The following PDE8A variants were observed in gnomAD, a reference collection of about 807,000 sequenced individuals.
PDE8A encodes the protein phosphodiesterase 8A.
PDE8A carries 59 observed loss-of-function variants against 105.0 expected under a neutral mutation model. The ratio of observed to expected loss-of-function variants is 0.56; its 90% confidence interval spans 0.46 to 0.70. The LOEUF (loss-of-function observed/expected upper bound fraction) is 0.70. Ranked by LOEUF, PDE8A falls within the 30% of genes least tolerant of loss-of-function variation. The probability of loss-of-function intolerance (pLI) is 0.00; values close to 1 mark genes in which losing one functional copy is unlikely to be tolerated. For synonymous variants in PDE8A, 355 were observed against 371.9 expected (o/e 0.95, Z 0.52); for missense variants, 1,014 against 1,045.9 (o/e 0.97, Z 0.42).
At chr15:85,026,113 G>A (rs569536485) in intron 1 of PDE8A, among the ~76,000 whole-genome samples, 1 of 152,166 alleles carries the variant, frequency 6.6e-6, no homozygotes, top group Non-Finnish European at 1.5e-5. Context: ...CATCAGTTTA[G>A]CAGATTATGC....
intron 1 of PDE8A, among the ~76,000 whole-genome samples, chr15:84,995,655 GT>G (rs1555463588): frequency 6.6e-5 from 10 of 152,066 alleles, no homozygotes; most frequent in Non-Finnish European, 1.5e-4. Context: ...TTCCCTAAGC[GT>G]TATGTTTTTG....
At chr15:85,123,018 G>A (rs778231950) in intron 18 of PDE8A, 43 bp from the exon 19 acceptor site, 13 of 1,606,426 alleles carry the variant, frequency 8.1e-6, no homozygotes, top group Non-Finnish European at 1.1e-5. Context: ...GTCTGGTCTG[G>A]ATCAGTAATT....
At chr15:85,073,151 C>G (rs1407954128) in intron 3 of PDE8A, among the ~76,000 whole-genome samples, 1 of 152,148 alleles carries the variant, frequency 6.6e-6, no homozygotes, top group African/African-American at 2.4e-5. Context: ...TCCCTGAGTA[C>G]TTAACACTGC....
chr15:85,073,006 T>G (rs1343751769), intron 3 of PDE8A, among the ~76,000 whole-genome samples: 1 of 152,078 alleles, frequency 6.6e-6, no homozygotes, highest in African/African-American at 2.4e-5. Flanking sequence ...CCCAGCTACT[T>G]GAGAGGCCGA....
At chr15:85,128,743 A>G (rs1420033663) in intron 20 of PDE8A, among the ~76,000 whole-genome samples, 1 of 152,250 alleles carries the variant, frequency 6.6e-6, no homozygotes, top group African/African-American at 2.4e-5. Flanking sequence ...ACTTCCCCAA[A>G]GAAGCTATTA....
At chr15:85,026,394 C>T (rs2080517578) in intron 1 of PDE8A, among the ~76,000 whole-genome samples, 1 of 152,106 alleles carries the variant, frequency 6.6e-6, no homozygotes, top group Admixed American at 6.5e-5. Context: ...TGTAGACTCT[C>T]CATGTGGTCT....
At chr15:85,066,046 G>T (rs2081220085) in intron 2 of PDE8A, among the ~76,000 whole-genome samples, 1 of 151,868 alleles carries the variant, frequency 6.6e-6, no homozygotes, top group Admixed American at 6.6e-5. Context: ...TTAACTTGGA[G>T]GAATTACATA....
chr15:85,116,836 A>T (rs1004718543), intron 16 of PDE8A, among the ~76,000 whole-genome samples: 2 of 152,164 alleles, frequency 1.3e-5, no homozygotes, highest in Non-Finnish European at 2.9e-5. Flanking sequence ...TAACCTTCTG[A>T]TACGTTCTAC....
At chr15:85,097,586 C>T (rs1347890342) in intron 8 of PDE8A, among the ~76,000 whole-genome samples, 4 of 152,170 alleles carry the variant, frequency 2.6e-5, no homozygotes, top group Non-Finnish European at 5.9e-5. Flanking sequence ...TTCTTCCCCT[C>T]CCAAACACAG....
chr15:85,113,539 G>A (rs2082050202), intron 13 of PDE8A, 92 bp downstream of exon 13: 1 of 1,075,436 alleles, frequency 9.3e-7, no homozygotes, highest in African/African-American at 1.5e-5. Context: ...GGGACCCGCA[G>A]TAATGAGCAT....
intron 11 of PDE8A, 95 bp from the exon 12 acceptor site, chr15:85,108,958 A>C (rs1433954341): frequency 1.3e-6 from 1 of 797,374 alleles, no homozygotes; most frequent in African/African-American, 1.7e-5. Flanking sequence ...AAAACATTTA[A>C]AGTTGAGAGT....
intron 5 of PDE8A, among the ~76,000 whole-genome samples, chr15:85,082,652 G>C (rs898353445): frequency 3.3e-5 from 5 of 150,464 alleles, no homozygotes; most frequent in African/African-American, 1.3e-4. Context: ...GGGGCTTATA[G>C]ATAGTGATAT....
intron 1 of PDE8A, among the ~76,000 whole-genome samples, chr15:85,040,370 T>TAAAAA (rs35955528): frequency 2.0e-4 from 21 of 103,588 alleles, no homozygotes; most frequent in Non-Finnish European, 2.6e-4. Flanking sequence ...ACCTCTTCTC[T>TAAAAA]AAAAAAAAAA....
In PDE8A at chr15:85,055,022, C is replaced by T. The variant is rs562233608; in HGVS notation, c.187-9348C>T. Among the ~76,000 whole-genome samples, 15 of 152,178 alleles carry T rather than the reference C, an allele frequency of 9.9e-5. No individual in the cohort carries two copies. The East Asian group carries it at 1.2e-3, about 12-fold the overall frequency. On this transcript the variant is annotated intron_variant, in intron 1 of 21. Coordinates refer to ENST00000394553, the MANE Select transcript of PDE8A (RefSeq NM_002605.3). ...TTCTGGTATGTTGTGTCTTTGTTCT[C>T]GTTGGTTTCAAAGAACCTCTTTATT...
At chr15:85,024,560 T>C (rs1361604636) in intron 1 of PDE8A, among the ~76,000 whole-genome samples, 1 of 151,894 alleles carries the variant, frequency 6.6e-6, no homozygotes, top group Non-Finnish European at 1.5e-5. Context: ...TTTTTTTTTC[T>C]TTTCACCCTC....
intron 5 of PDE8A, among the ~76,000 whole-genome samples, chr15:85,079,122 C>G (rs778865825): frequency 9.9e-5 from 15 of 152,152 alleles, no homozygotes; most frequent in Non-Finnish European, 1.2e-4. Flanking sequence ...TAGATGTACC[C>G]ACACTTATGC....
intron 1 of PDE8A, among the ~76,000 whole-genome samples, chr15:85,041,898 T>C (rs1397605749): frequency 6.6e-6 from 1 of 152,204 alleles, no homozygotes; most frequent in Non-Finnish European, 1.5e-5. Context: ...TTGATGTTGT[T>C]AGTTCCTTTA....
intron 1 of PDE8A, among the ~76,000 whole-genome samples, chr15:84,983,396 A>G (rs774104134): frequency 4.0e-5 from 6 of 151,886 alleles, no homozygotes; most frequent in Non-Finnish European, 7.4e-5. Flanking sequence ...GAACTGCTGA[A>G]CCTCCGAAGT....
intron 1 of PDE8A, among the ~76,000 whole-genome samples, chr15:85,039,600 C>T (rs553148673): frequency 6.0e-4 from 92 of 152,182 alleles, no homozygotes; most frequent in African/African-American, 2.0e-3. Flanking sequence ...AATCCCACTT[C>T]TGAGTGTATA....
Sources: allele counts gnomAD v4.1 joint callset (sites outside exome capture counted in the v4.1 genomes callset), GRCh38; gene constraint gnomAD v4.1.1; transcripts MANE v1.5; gene names NCBI Gene and HGNC (gene_info 2026-07-23, HGNC 2026-07-21).